TUB: variants seen among roughly 807,000 people sequenced by gnomAD.
The protein encoded by TUB is TUB bipartite transcription factor.
A neutral mutation model predicts 59.7 loss-of-function variants in TUB; 33 were observed. That is an observed-to-expected ratio of 0.55 (90% CI 0.42 to 0.74). The LOEUF (loss-of-function observed/expected upper bound fraction) is 0.74, where lower values mean the gene tolerates loss of function less well. Among genes scored for constraint, TUB ranks in the 30% least tolerant of loss-of-function variants. TUB has a pLI of 0.00. For missense variants in TUB, 659 were observed against 672.0 expected (o/e 0.98, Z 0.21); for synonymous variants, 293 against 256.4 (o/e 1.14, Z -1.36).
chr11:8,094,296 T>G (rs1943887571), intron 4 of TUB, 107 bp downstream of exon 4: 7 of 1,388,596 alleles, frequency 5.0e-6, no homozygotes. Flanking sequence ...ATGAACAGCC[T>G]CAGGGAAGAC....
At chr11:8,073,181 C>T (rs1943389458) in intron 2 of TUB, among the ~76,000 whole-genome samples, 1 of 152,196 alleles carries the variant, frequency 6.6e-6, no homozygotes, top group Admixed American at 6.5e-5. Context: ...CAGCTTGACT[C>T]CAATCCCATA....
intron 1 of TUB, among the ~76,000 whole-genome samples, chr11:8,029,388 C>CTTTTTTT (rs71059146): frequency 2.4e-5 from 3 of 123,546 alleles, no homozygotes; most frequent in African/African-American, 8.9e-5. Flanking sequence ...TTCTTTCTTT[C>CTTTTTTT]TTTTTTTTTT....
upstream of TUB, among the ~76,000 whole-genome samples, chr11:8,081,163 G>A (rs1168061737): frequency 1.3e-5 from 2 of 150,638 alleles, no homozygotes; most frequent in Admixed American, 1.3e-4. Context: ...TGCGGGGCGG[G>A]GCGGGGCGGG....
upstream of TUB, among the ~76,000 whole-genome samples, chr11:8,037,426 T>G (rs914082105): frequency 1.3e-5 from 2 of 152,234 alleles, no homozygotes; most frequent in African/African-American, 4.8e-5. Flanking sequence ...TGCACCCTTC[T>G]TCCATGACCA....
At chr11:8,041,137 G>A (rs903669779) in intron 2 of TUB, among the ~76,000 whole-genome samples, 1 of 152,224 alleles carries the variant, frequency 6.6e-6, no homozygotes, top group Non-Finnish European at 1.5e-5. Flanking sequence ...TGAACTGTAT[G>A]TCTACAGCTG....
chr11:8,020,766 G>T (rs962933695), intron 1 of TUB, among the ~76,000 whole-genome samples: 7 of 152,174 alleles, frequency 4.6e-5, no homozygotes, highest in African/African-American at 1.7e-4. Flanking sequence ...CCACGGAGAA[G>T]AACTCTATTA....
intron 1 of TUB, among the ~76,000 whole-genome samples, chr11:8,085,421 T>A (rs1349460638): frequency 1.3e-5 from 2 of 152,238 alleles, no homozygotes; most frequent in Non-Finnish European, 2.9e-5. Context: ...CTGGAACTCC[T>A]GTGAGCAGTG....
intron 2 of TUB, among the ~76,000 whole-genome samples, chr11:8,054,772 C>T (rs1314304058): frequency 6.6e-6 from 1 of 152,202 alleles, no homozygotes; most frequent in East Asian, 1.9e-4. Flanking sequence ...TACCTGTGTT[C>T]ATACATGTGC....
At chr11:8,084,753 C>A (rs1168160130) in intron 1 of TUB, among the ~76,000 whole-genome samples, 2 of 152,212 alleles carry the variant, frequency 1.3e-5, no homozygotes, top group East Asian at 3.9e-4. Context: ...GCTTTCCCAG[C>A]CCCACACCTG....
upstream of TUB, among the ~76,000 whole-genome samples, chr11:8,034,249 C>A (rs1942616333): frequency 6.6e-6 from 1 of 152,192 alleles, no homozygotes. Context: ...GGGATGATGT[C>A]AACAAGGGAC....
chr11:8,041,213 T>C (rs1219590399), intron 2 of TUB, among the ~76,000 whole-genome samples: 1 of 152,188 alleles, frequency 6.6e-6, no homozygotes, highest in Non-Finnish European at 1.5e-5. Context: ...TGGTGTTTGG[T>C]ATCTCTCTAC....
chr11:8,080,132 C>CT (rs1943518257), upstream of TUB, among the ~76,000 whole-genome samples: 1 of 152,194 alleles, frequency 6.6e-6, no homozygotes, highest in South Asian at 2.1e-4. Context: ...TGTTCTCACA[C>CT]TCTCTGCGGG....
intron 1 of TUB, among the ~76,000 whole-genome samples, chr11:8,086,201 T>G (rs1466656622): frequency 6.6e-6 from 1 of 152,194 alleles, no homozygotes; most frequent in Non-Finnish European, 1.5e-5. Context: ...TGGCAGTTAT[T>G]CCATAATTGG....
At position 8,106,034 on chromosome 11, in the gene TUB, A is replaced by AT. The variant is rs1264807255; in HGVS notation, c.*4417dup. Reference sequence around the variant, plus strand: ...GTCAGACATTTTATTTTTGTTCAAGATTATCTGGCGTTTTAGACAAATTTG... The same window carrying AT: ...GTCAGACATTTTATTTTTGTTCAAGATTTATCTGGCGTTTTAGACAAATTTG... On this transcript the variant is annotated 3_prime_UTR_variant, in exon 12 of 12. Coordinates refer to ENST00000299506, the MANE Select transcript of TUB (RefSeq NM_177972.3). 13 of 151,690 alleles carry AT rather than the reference A, an allele frequency of 8.6e-5. No homozygotes were observed. Among genetic ancestry groups the AT allele is most frequent in the African/African-American group, 3.1e-4 (13 of 41,420 alleles). The allele number at this position is 151,690 out of a possible 1,614,324, so 9.4% of individuals were successfully genotyped here. A position where few individuals can be genotyped will look rare whatever the true frequency, so the allele number is the denominator to read the frequency against.
chr11:8,088,201 T>C (rs1943704142), intron 1 of TUB, among the ~76,000 whole-genome samples: 1 of 152,228 alleles, frequency 6.6e-6, no homozygotes, highest in African/African-American at 2.4e-5. Flanking sequence ...GCAGGACACC[T>C]GCTAGTTAAA....
intron 4 of TUB, among the ~76,000 whole-genome samples, chr11:8,094,458 C>T (rs537130118): frequency 6.6e-6 from 1 of 152,338 alleles, no homozygotes; most frequent in African/African-American, 2.4e-5. Flanking sequence ...CGTCCCCCAC[C>T]TCAGCTACCT....
chr11:8,088,444 G>A (rs533595797), intron 1 of TUB, among the ~76,000 whole-genome samples: 4 of 152,294 alleles, frequency 2.6e-5, no homozygotes, highest in East Asian at 1.9e-4. Context: ...CGCACACTGC[G>A]CTCACCTTCA....
At chr11:8,057,330 T>A (rs1049650697) in intron 2 of TUB, among the ~76,000 whole-genome samples, 1 of 152,166 alleles carries the variant, frequency 6.6e-6, no homozygotes, top group Admixed American at 6.5e-5. Context: ...CTGCTTATTC[T>A]CAAGGCCCAG....
intron 5 of TUB, 79 bp downstream of exon 5, chr11:8,095,744 C>T: frequency 6.9e-7 from 1 of 1,451,124 alleles, no homozygotes; most frequent in Non-Finnish European, 9.3e-7. Flanking sequence ...GGGAGCATGG[C>T]CTTCCTGTGT....
Sources: gnomAD v4.1 joint callset for allele counts (sites outside exome capture counted in the v4.1 genomes callset) on GRCh38, gnomAD v4.1.1 for gene constraint, MANE v1.5 for transcripts, NCBI Gene and HGNC (gene_info 2026-07-23, HGNC 2026-07-21) for gene names.